SH3GL3: variants seen among roughly 807,000 people sequenced by gnomAD.
The protein encoded by SH3GL3 is endophilin-A3.
SH3GL3 carries 33 observed loss-of-function variants against 47.7 expected under a neutral mutation model. The observed-to-expected ratio is 0.69, with a 90% confidence interval of 0.52 to 0.92. The LOEUF is 0.92. Among genes scored for constraint, SH3GL3 ranks in the 40% least tolerant of loss-of-function variants. The pLI, the probability that SH3GL3 is intolerant of heterozygous loss-of-function variation, is 0.00. For synonymous variants in SH3GL3, 155 were observed against 148.8 expected, an observed-to-expected ratio of 1.04 and a Z score of -0.30; for missense variants, 363 against 417.8, an observed-to-expected ratio of 0.87 and a Z score of 1.14.
downstream of SH3GL3, among the ~76,000 whole-genome samples, chr15:83,619,420 G>C (rs2060903003): frequency 6.6e-6 from 1 of 152,170 alleles, no homozygotes; most frequent in Non-Finnish European, 1.5e-5. Context: ...TGTTGCTGGG[G>C]GAGGGGAGGA....
intron 1 of SH3GL3, among the ~76,000 whole-genome samples, chr15:83,460,018 C>G (rs1416249636): frequency 1.6e-4 from 9 of 57,798 alleles, no homozygotes; most frequent in Admixed American, 2.5e-4. Flanking sequence ...CCCCTCCCGT[C>G]CCCTCCCCTC....
chr15:83,613,252 C>T (rs762146143), intron 8 of SH3GL3, among the ~76,000 whole-genome samples: 1 of 152,204 alleles, frequency 6.6e-6, no homozygotes, highest in Non-Finnish European at 1.5e-5. Context: ...TGCACTTGTA[C>T]TGCCTGAGTC....
intron 1 of SH3GL3, among the ~76,000 whole-genome samples, chr15:83,533,966 T>A (rs1287861871): frequency 6.6e-6 from 1 of 152,200 alleles, no homozygotes; most frequent in African/African-American, 2.4e-5. Flanking sequence ...AGTATCTCCT[T>A]AACTTGGGAC....
chr15:83,538,142 T>G (rs2151694176), intron 1 of SH3GL3, among the ~76,000 whole-genome samples: 1 of 152,218 alleles, frequency 6.6e-6, no homozygotes, highest in East Asian at 1.9e-4. Context: ...TGAGTATAGG[T>G]TATTAGACTC....
intron 1 of SH3GL3, chr15:83,490,802 T>A: frequency 6.2e-7 from 1 of 1,614,038 alleles, no homozygotes. Context: ...GTCATAAACA[T>A]TGAGGACTCT....
intron 1 of SH3GL3, among the ~76,000 whole-genome samples, chr15:83,474,093 A>G (rs935380870): frequency 2.0e-5 from 3 of 152,060 alleles, no homozygotes; most frequent in Non-Finnish European, 4.4e-5. Flanking sequence ...AGAGAAAAGT[A>G]TATCTACCCC....
chr15:83,616,826 A>G (rs2060833466), intron 8 of SH3GL3, among the ~76,000 whole-genome samples: 1 of 152,124 alleles, frequency 6.6e-6, no homozygotes, highest in South Asian at 2.1e-4. Context: ...TGAAGGAAGG[A>G]AGGAAAAGAA....
intron 1 of SH3GL3, among the ~76,000 whole-genome samples, chr15:83,530,376 C>T (rs77474831): frequency 0.047 from 7,193 of 152,166 alleles, 285 homozygotes; most frequent in East Asian, 0.11. Flanking sequence ...TTCCCTGCAC[C>T]GGGAACCTCT....
intron 8 of SH3GL3, among the ~76,000 whole-genome samples, chr15:83,607,594 G>A (rs780164326): frequency 2.0e-5 from 3 of 152,100 alleles, no homozygotes; most frequent in Middle Eastern, 3.2e-3. Context: ...TACGGCAAGC[G>A]CCCCTTGCCT....
intron 1 of SH3GL3, among the ~76,000 whole-genome samples, chr15:83,456,714 T>A (rs2039999884): frequency 6.8e-6 from 1 of 147,946 alleles, no homozygotes; most frequent in Admixed American, 6.8e-5. Context: ...TGTCTGGCAC[T>A]CCCTAGTGAG....
intron 1 of SH3GL3, among the ~76,000 whole-genome samples, chr15:83,546,963 A>G (rs1333112852): frequency 2.0e-5 from 3 of 152,174 alleles, no homozygotes; most frequent in Non-Finnish European, 4.4e-5. Context: ...CTTCTTACAG[A>G]ACTGTGAGCC....
chr15:83,585,749 A>G (rs1430070219), intron 6 of SH3GL3, among the ~76,000 whole-genome samples: 1 of 152,216 alleles, frequency 6.6e-6, no homozygotes, highest in Non-Finnish European at 1.5e-5. Flanking sequence ...ATGGTAAAGT[A>G]AATGAAACCC....
intron 8 of SH3GL3, among the ~76,000 whole-genome samples, chr15:83,589,399 C>T (rs1044919632): frequency 2.6e-5 from 4 of 151,954 alleles, no homozygotes; most frequent in Non-Finnish European, 5.9e-5. Context: ...TTTTTTGAGA[C>T]AAAGTCTTGC....
In SH3GL3 at chr15:83,618,065, C is replaced by T; in HGVS notation, c.839-17C>T. 2 of 1,537,470 alleles carry T rather than the reference C, an allele frequency of 1.3e-6. No homozygotes were observed. Among genetic ancestry groups the T allele is most frequent in the East Asian group, 4.5e-5 (2 of 44,514 alleles). ...TCATGTTCATCTGTACTTTTTGTCT[C>T]CATATCATGTGGACAGGTTCTAACA... On this transcript the variant is annotated splice_polypyrimidine_tract_variant and intron_variant, in intron 8 of 8. Transcript: ENST00000427482.
intron 6 of SH3GL3, among the ~76,000 whole-genome samples, chr15:83,579,704 G>A (rs1487418220): frequency 6.6e-6 from 1 of 152,150 alleles, no homozygotes; most frequent in East Asian, 1.9e-4. Context: ...CCCTGTCATG[G>A]TGCATGTGCG....
chr15:83,572,636 G>A lies in SH3GL3; in HGVS notation c.403G>A (p.Val135Ile), dbSNP rs1369249522. The change falls in exon 5 of 9, where the codon GTA becomes ATA. Residue 135 changes from valine (V) to isoleucine (I), a missense_variant. By Grantham distance (29) the Val-to-Ile change is conservative (BLOSUM62 3). Coordinates refer to ENST00000427482, the MANE Select transcript of SH3GL3 (RefSeq NM_003027.5). The stretch of plus-strand genomic sequence containing the variant: ...GGTGAAAGACTCTCTTGATATTAAT[G>A]TAAAGCAAACTTTTATTGATCCACT... ...AEVKDSLDINVKQTFIDPLQL... is the reference protein window; with the variant it reads ...AEVKDSLDINIKQTFIDPLQL... 3.7e-6 allele frequency: 6 copies of A among 1,611,562 alleles called. No individual in the cohort carries two copies. Among genetic ancestry groups the A allele is most frequent in the Non-Finnish European group, 4.2e-6 (5 of 1,177,666 alleles).
intron 1 of SH3GL3, among the ~76,000 whole-genome samples, chr15:83,530,224 C>T (rs2043607049): frequency 6.6e-6 from 1 of 152,062 alleles, no homozygotes; most frequent in African/African-American, 2.4e-5. Context: ...TGTTAGTTCT[C>T]TTTCTGGAGC....
chr15:83,615,497 A>G (rs1372646572), intron 8 of SH3GL3, among the ~76,000 whole-genome samples: 1 of 152,010 alleles, frequency 6.6e-6, no homozygotes, highest in African/African-American at 2.4e-5. Context: ...GTATTTTTAG[A>G]GATGGGGTTT....
Position 83,588,781 on chromosome 15 carries a change from C to G in SH3GL3, c.838+10C>G, listed in dbSNP as rs1197449683. The stretch of plus-strand genomic sequence containing the variant: ...GTAGTGAAGACGACAGGTAAGTTGA[C>G]CATTCTAATATGCTAAGTGTGCCTT... On this transcript the variant is annotated intron_variant, in intron 8 of 8. Coordinates refer to ENST00000427482, the MANE Select transcript of SH3GL3 (RefSeq NM_003027.5). The G allele has an allele frequency of 7.2e-7, 1 of 1,394,444 alleles. No individual in the cohort carries two copies. Among genetic ancestry groups the G allele is most frequent in the African/African-American group, 1.4e-5 (1 of 70,802 alleles). 86.4% of individuals were successfully genotyped at this position (1,394,444 alleles called of 1,614,324 possible). A position where few individuals can be genotyped will look rare whatever the true frequency, so the allele number is the denominator to read the frequency against.
Sources: gnomAD v4.1 joint callset for allele counts (sites outside exome capture counted in the v4.1 genomes callset) on GRCh38, gnomAD v4.1.1 for gene constraint, MANE v1.5 for transcripts, NCBI Gene and HGNC (gene_info 2026-07-23, HGNC 2026-07-21) for gene names.